The following RHEX variants were observed in gnomAD, a reference collection of about 807,000 sequenced individuals.
RHEX encodes regulator of hemoglobinization and erythroid cell expansion, also known as regulator of hemoglobinization and erythroid cell expansion protein.
A neutral mutation model predicts 20.1 loss-of-function variants in RHEX; 18 were observed. The ratio of observed to expected loss-of-function variants is 0.90; its 90% CI spans 0.62 to 1.33. The LOEUF (loss-of-function observed/expected upper bound fraction) is 1.33. Ranked by LOEUF, RHEX falls within the 40% of genes most tolerant of loss-of-function variation. The pLI, the probability that RHEX is intolerant of heterozygous loss-of-function variation, is 0.00. For synonymous variants in RHEX, 87 were observed against 77.1 expected, an observed-to-expected ratio of 1.13 and a Z score of -0.67; for missense variants, 192 against 214.3, an observed-to-expected ratio of 0.90 and a Z score of 0.65.
chr1:206,058,004 C>G (rs1662229122), intron 1 of RHEX, among the ~76,000 whole-genome samples: 1 of 152,252 alleles, frequency 6.6e-6, no homozygotes, highest in Non-Finnish European at 1.5e-5. Flanking sequence ...TACTTGCTAG[C>G]AGCTGAAGGA....
intron 3 of RHEX, chr1:206,098,490 C>G (rs1663124529): frequency 6.7e-6 from 2 of 299,570 alleles, no homozygotes; most frequent in African/African-American, 2.1e-5. Flanking sequence ...GTAACCTGGT[C>G]TAATTAATTT....
rs143671285 is a variant in RHEX, at chr1:206,100,989, A to G, written c.257-147A>G. The G allele has an allele frequency of 1.1e-5, 6 of 570,888 alleles. No homozygotes were observed. The African/African-American group carries it at 1.1e-4, about 11-fold the overall frequency. The allele number at this position is 570,888 out of a possible 1,614,324, so 35.4% of individuals were successfully genotyped here. ...CTTCTTCCTCTTTTGGGGTCTCTGT[A>G]TCTCTCTTCCCTACCCCCCCTTTTT... On this transcript the variant is annotated intron_variant, in intron 4 of 5. Coordinates refer to ENST00000331555, the MANE Select transcript of RHEX (RefSeq NM_001007544.4).
chr1:206,070,004 C>T (rs1482797059), intron 1 of RHEX, among the ~76,000 whole-genome samples: 1 of 149,240 alleles, frequency 6.7e-6, no homozygotes, highest in Non-Finnish European at 1.5e-5. Flanking sequence ...TACTTTTTAG[C>T]AATACTATAA....
At chr1:206,071,126 G>A (rs1460091427) in intron 1 of RHEX, among the ~76,000 whole-genome samples, 1 of 152,178 alleles carries the variant, frequency 6.6e-6, no homozygotes, top group African/African-American at 2.4e-5. Context: ...GAAGCCAACA[G>A]TGCAGCCTTC....
chr1:206,099,416 T>A (rs953163044), intron 3 of RHEX, among the ~76,000 whole-genome samples: 3 of 151,938 alleles, frequency 2.0e-5, no homozygotes, highest in South Asian at 2.1e-4. Context: ...CCTCCCAGGT[T>A]CAAGCAGTTC....
intron 1 of RHEX, among the ~76,000 whole-genome samples, chr1:206,072,683 T>C (rs1662560002): frequency 6.6e-6 from 1 of 152,192 alleles, no homozygotes; most frequent in African/African-American, 2.4e-5. Flanking sequence ...CTCAATTTAC[T>C]GAATTCCAGC....
chr1:206,078,094 TAA>T (rs1409947636), intron 1 of RHEX, among the ~76,000 whole-genome samples: 2 of 152,182 alleles, frequency 1.3e-5, no homozygotes, highest in African/African-American at 2.4e-5. Context: ...ATAAGAAACA[TAA>T]GTGAATTTCG....
chr1:206,064,638 G>A (rs1241316463), intron 1 of RHEX, among the ~76,000 whole-genome samples: 4 of 145,160 alleles, frequency 2.8e-5, no homozygotes, highest in South Asian at 2.2e-4. Context: ...CGGCCGCCCC[G>A]TCCCGGGGGG....
At chr1:206,095,175 A>G (rs1663039673) in intron 1 of RHEX, among the ~76,000 whole-genome samples, 1 of 152,124 alleles carries the variant, frequency 6.6e-6, no homozygotes, top group Admixed American at 6.5e-5. Flanking sequence ...GATACCGTAA[A>G]ACTCAAAGGT....
At chr1:206,076,336 G>C (rs1209328589) in intron 1 of RHEX, among the ~76,000 whole-genome samples, 1 of 151,998 alleles carries the variant, frequency 6.6e-6, no homozygotes, top group African/African-American at 2.4e-5. Context: ...GGCTAATTTT[G>C]CTATGTTTTT....
intron 1 of RHEX, among the ~76,000 whole-genome samples, chr1:206,083,337 G>A (rs1480238047): frequency 6.6e-6 from 1 of 152,114 alleles, no homozygotes; most frequent in Admixed American, 6.5e-5. Context: ...ATCTAAATGT[G>A]TGCCACAGGG....
At chr1:206,093,991 T>G (rs1663013100) in intron 1 of RHEX, among the ~76,000 whole-genome samples, 1 of 152,118 alleles carries the variant, frequency 6.6e-6, no homozygotes, top group Admixed American at 6.5e-5. Flanking sequence ...AAGTTTGGTT[T>G]TGAGGTGCCT....
At chr1:206,070,400 G>A (rs1451484845) in intron 1 of RHEX, among the ~76,000 whole-genome samples, 2 of 152,126 alleles carry the variant, frequency 1.3e-5, no homozygotes, top group Non-Finnish European at 2.9e-5. Context: ...ACTGCTAGAC[G>A]TTTGGCTATG....
chr1:206,054,457 T>G (rs1662145803), intron 1 of RHEX, among the ~76,000 whole-genome samples: 1 of 151,022 alleles, frequency 6.6e-6, no homozygotes, highest in Non-Finnish European at 1.5e-5. Context: ...GATTTTTACC[T>G]ACATTAAAAG....
At chr1:206,085,117 C>T (rs1475281127) in intron 1 of RHEX, among the ~76,000 whole-genome samples, 1 of 152,144 alleles carries the variant, frequency 6.6e-6, no homozygotes, top group South Asian at 2.1e-4. Flanking sequence ...AATAAAGAGA[C>T]ATTTGACTGC....
intron 1 of RHEX, among the ~76,000 whole-genome samples, chr1:206,095,755 G>T (rs558608077): frequency 2.6e-5 from 4 of 152,152 alleles, no homozygotes; most frequent in East Asian, 1.9e-4. Context: ...GGTGGAGGTC[G>T]CAGTGAGCCG....
At chr1:206,085,233 T>C in intron 1 of RHEX, among the ~76,000 whole-genome samples, 1 of 152,288 alleles carries the variant, frequency 6.6e-6, no homozygotes, top group Admixed American at 6.5e-5. Flanking sequence ...GTACAGAGTG[T>C]TACACATTGA....
intron 1 of RHEX, chr1:206,083,415 G>A (rs28694676): frequency 0.095 from 72,194 of 758,498 alleles, 3,851 homozygotes; most frequent in South Asian, 0.18. Context: ...GGCAGAGCAT[G>A]GCCAAAAGAG....
intron 1 of RHEX, among the ~76,000 whole-genome samples, chr1:206,073,734 T>C (rs1218990108): frequency 3.3e-5 from 5 of 152,164 alleles, no homozygotes; most frequent in African/African-American, 4.8e-5. Context: ...ATTCTCTCCT[T>C]CCCACCTCCA....
Sources: allele counts gnomAD v4.1 joint callset (sites outside exome capture counted in the v4.1 genomes callset), GRCh38; gene constraint gnomAD v4.1.1; transcripts MANE v1.5; gene names NCBI Gene and HGNC (gene_info 2026-07-23, HGNC 2026-07-21).